ARPP21: variants seen among roughly 807,000 people sequenced by gnomAD.
The protein encoded by ARPP21 is cAMP-regulated phosphoprotein 21.
A neutral mutation model predicts 113.2 loss-of-function variants in ARPP21; 69 were observed. The observed-to-expected ratio is 0.61, with a 90% CI of 0.50 to 0.74. The LOEUF (loss-of-function observed/expected upper bound fraction) is 0.74, where lower values mean the gene tolerates loss of function less well. Ranked by LOEUF, ARPP21 falls within the 30% of genes least tolerant of loss-of-function variation. The pLI, the probability that ARPP21 is intolerant of heterozygous loss-of-function variation, is 0.00. For missense variants in ARPP21, 1,070 were observed against 1,037.4 expected (o/e 1.03, Z -0.43); for synonymous variants, 368 against 375.5 (o/e 0.98, Z 0.23).
At chr3:35,742,950 G>A (rs1250635945) in intron 18 of ARPP21, among the ~76,000 whole-genome samples, 1 of 152,166 alleles carries the variant, frequency 6.6e-6, no homozygotes, top group Non-Finnish European at 1.5e-5. Flanking sequence ...AAGTCTATCA[G>A]ATCAGGAAAC....
At chr3:35,748,091 AAAGAAAGAAAGAAAGAAAG>A (rs1233228939) in intron 19 of ARPP21, among the ~76,000 whole-genome samples, 1 of 129,582 alleles carries the variant, frequency 7.7e-6, no homozygotes, top group Non-Finnish European at 1.7e-5. Flanking sequence ...AGAAAGAAAG[AAAGAAAGAAAGAAAGAAAG>A]AAGAAAGAAA....
At chr3:35,654,189 G>A (rs1466269932) in intron 1 of ARPP21, among the ~76,000 whole-genome samples, 1 of 151,940 alleles carries the variant, frequency 6.6e-6, no homozygotes, top group Non-Finnish European at 1.5e-5. Flanking sequence ...ATGAAAAATG[G>A]TTTTAAAGAT....
chr3:35,666,089 A>G (rs1173368955), intron 1 of ARPP21, among the ~76,000 whole-genome samples: 9 of 152,078 alleles, frequency 5.9e-5, no homozygotes, highest in Admixed American at 5.2e-4. Context: ...TACTTGGGGG[A>G]TACTCAGTCA....
chr3:35,724,079 C>G (rs2093342771), intron 14 of ARPP21, among the ~76,000 whole-genome samples: 1 of 152,060 alleles, frequency 6.6e-6, no homozygotes, highest in Non-Finnish European at 1.5e-5. Context: ...AGTTACTCTT[C>G]TCCTCCTCTA....
Position 35,689,344 on chromosome 3 carries a change from CT to C in ARPP21, c.446del (p.Leu149TyrfsTer5). 6.3e-7 allele frequency: 1 copy of C among 1,586,894 alleles called. No homozygotes were observed. Among genetic ancestry groups the C allele is most frequent in the Non-Finnish European group, 8.6e-7 (1 of 1,156,294 alleles). Reference sequence around the variant, plus strand: ...AATACACGGATTCTACAGGCATAGACTTACACGAGTTTCTGATTAACACATT... The same window carrying C: ...AATACACGGATTCTACAGGCATAGACTACACGAGTTTCTGATTAACACATT... ...QEYTDSTGID[L>X]HEFLINTLKN... On this transcript the variant is annotated frameshift_variant, in exon 7 of 21. Transcript: ENST00000684406. LOFTEE classifies it high-confidence loss of function.
intron 9 of ARPP21, 34 bp from the exon 10 acceptor site, chr3:35,706,940 A>G (rs191937690): frequency 1.3e-6 from 2 of 1,543,248 alleles, no homozygotes; most frequent in Non-Finnish European, 1.8e-6. Context: ...AGGGGGAAAA[A>G]CTTTTTTATT....
At chr3:35,649,192 G>A (rs1226263191) in intron 1 of ARPP21, among the ~76,000 whole-genome samples, 1 of 152,040 alleles carries the variant, frequency 6.6e-6, no homozygotes, top group African/African-American at 2.4e-5. Flanking sequence ...TCTAAATAAG[G>A]TTTTAATTGT....
rs535493576 is a variant in ARPP21 at position 35,674,488 on chromosome 3, A to G, written c.-212-5299A>G. 5.3e-5 allele frequency among the ~76,000 whole-genome samples: 8 copies of G among 151,992 alleles called. No homozygotes were observed. The East Asian group carries it at 1.4e-3, about 26-fold the overall frequency. On this transcript the variant is annotated intron_variant, in intron 1 of 20. Coordinates refer to ENST00000684406, the MANE Select transcript of ARPP21 (RefSeq NM_001385562.1). ...GAAATGTTACCCGTGTTTCAGCACCAATATGGATTGTAATTAATTGTTCCA... is the reference window on the plus strand; with the variant it reads ...GAAATGTTACCCGTGTTTCAGCACCGATATGGATTGTAATTAATTGTTCCA...
intron 1 of ARPP21, among the ~76,000 whole-genome samples, chr3:35,668,918 G>T (rs1003263904): frequency 6.6e-6 from 1 of 151,998 alleles, no homozygotes; most frequent in Non-Finnish European, 1.5e-5. Flanking sequence ...TCAAATACGG[G>T]GAAATGCTAT....
chr3:35,653,485 C>T (rs1703376287), intron 1 of ARPP21, among the ~76,000 whole-genome samples: 1 of 151,982 alleles, frequency 6.6e-6, no homozygotes, highest in South Asian at 2.1e-4. Flanking sequence ...GGAAATTTGT[C>T]TGCATGCTTC....
intron 5 of ARPP21, chr3:35,685,941 A>G (rs2080424079): frequency 2.7e-6 from 1 of 371,532 alleles, no homozygotes; most frequent in African/African-American, 2.2e-5. Flanking sequence ...TGCATAGAAA[A>G]GATATTTTTT....
intron 1 of ARPP21, among the ~76,000 whole-genome samples, chr3:35,670,726 GA>G (rs3215209): frequency 2.6e-5 from 4 of 151,764 alleles, no homozygotes; most frequent in East Asian, 1.9e-4. Context: ...TGGACACATT[GA>G]AAAAAAAGAA....
At chr3:35,658,473 T>G (rs1477130251) in intron 1 of ARPP21, among the ~76,000 whole-genome samples, 1 of 152,070 alleles carries the variant, frequency 6.6e-6, no homozygotes, top group Non-Finnish European at 1.5e-5. Flanking sequence ...TGGAATTAAA[T>G]ATGAACAACT....
rs1218080862 is a variant in ARPP21 at position 35,690,981 on chromosome 3, T to C, written c.662T>C (p.Ile221Thr). Residue 221 changes from isoleucine to threonine, a missense_variant, in exon 9 of 21, where the codon ATC becomes ACC. Coordinates refer to ENST00000684406, the MANE Select transcript of ARPP21 (RefSeq NM_001385562.1). ...NVDQTGKSVI[I>T]NKTSSTRIPE... ...GATCAAACAGGAAAATCTGTTATCA[T>C]CAACAAGACCAGCAGCACCAGAATG... 1.2e-6 allele frequency: 2 copies of C among 1,610,542 alleles called. No homozygotes were observed. Among genetic ancestry groups the C allele is most frequent in the Non-Finnish European group, 1.7e-6 (2 of 1,177,784 alleles).
At chr3:35,754,249 A>G (rs2095500713) in intron 19 of ARPP21, among the ~76,000 whole-genome samples, 1 of 152,024 alleles carries the variant, frequency 6.6e-6, no homozygotes, top group African/African-American at 2.4e-5. Context: ...AGAGTCCACT[A>G]TTCTTTGTAA....
At chr3:35,670,835 G>A (rs1044180910) in intron 1 of ARPP21, among the ~76,000 whole-genome samples, 2 of 152,050 alleles carry the variant, frequency 1.3e-5, no homozygotes, top group African/African-American at 2.4e-5. Context: ...AGCTGGTATC[G>A]ATAGTGCTCC....
rs145589468 is a variant in ARPP21, at chr3:35,748,754, A to G, written c.2137+4789A>G. Among the ~76,000 whole-genome samples, 1,068 of 152,268 alleles carry G rather than the reference A, an allele frequency of 7.0e-3. 3 individuals are homozygous for G. Among genetic ancestry groups the G allele is most frequent in the Middle Eastern group, 0.014 (4 of 294 alleles). On this transcript the variant is annotated intron_variant, in intron 19 of 20. Coordinates refer to ENST00000684406, the MANE Select transcript of ARPP21 (RefSeq NM_001385562.1). ...TTTTTTAGTTAGTACCTGTGTTGCT[A>G]TGGTTTTGTTCTTGTTGAGAAACAT...
intron 1 of ARPP21, among the ~76,000 whole-genome samples, chr3:35,654,978 A>G (rs1259128970): frequency 1.3e-5 from 2 of 151,924 alleles, no homozygotes; most frequent in African/African-American, 4.8e-5. Flanking sequence ...TTTCCCATTT[A>G]CCTAACTTGA....
chr3:35,690,461 C>T (rs1445857097), intron 8 of ARPP21, among the ~76,000 whole-genome samples: 2 of 151,400 alleles, frequency 1.3e-5, no homozygotes, highest in African/African-American at 4.8e-5. Context: ...TGGCTGCAGT[C>T]AGTTATGCCT....
Sources: allele counts gnomAD v4.1 joint callset (sites outside exome capture counted in the v4.1 genomes callset), GRCh38; gene constraint gnomAD v4.1.1; transcripts MANE v1.5; gene names NCBI Gene and HGNC (gene_info 2026-07-23, HGNC 2026-07-21).